Variants in LRBA observed in about 807,000 individuals in gnomAD.
The protein encoded by LRBA is lipopolysaccharide-responsive and beige-like anchor protein.
Under a neutral mutation model 330.0 loss-of-function variants are expected in LRBA, and 176 were observed. The observed-to-expected ratio is 0.53, with a 90% CI of 0.47 to 0.60. The LOEUF is 0.60. Among genes scored for constraint, LRBA ranks in the 20% least tolerant of loss-of-function variants. The pLI is 0.00. For synonymous variants in LRBA, 1,230 were observed against 1,193.0 expected (o/e 1.03, Z -0.64); for missense variants, 3,259 against 3,444.8 (o/e 0.95, Z 1.35).
intron 44 of LRBA, among the ~76,000 whole-genome samples, chr4:150,454,724 C>T (rs528160575): frequency 3.3e-5 from 5 of 152,084 alleles, no homozygotes; most frequent in South Asian, 4.2e-4. Context: ...TCATCCCTCG[C>T]CTTCCCCCTC....
chr4:150,959,934 T>A (rs933894002), intron 2 of LRBA, among the ~76,000 whole-genome samples: 13 of 146,660 alleles, frequency 8.9e-5, no homozygotes, highest in Admixed American at 2.0e-4. Context: ...TTTTTTTTTT[T>A]AAGAAACAGG....
intron 9 of LRBA, among the ~76,000 whole-genome samples, chr4:150,909,582 T>C (rs960398430): frequency 2.0e-5 from 3 of 152,206 alleles, no homozygotes; most frequent in African/African-American, 7.2e-5. Context: ...AGAATATTAC[T>C]ATGAACATGG....
At chr4:150,989,948 A>AC (rs941520223) in intron 2 of LRBA, among the ~76,000 whole-genome samples, 11 of 151,948 alleles carry the variant, frequency 7.2e-5, no homozygotes, top group South Asian at 6.2e-4. Flanking sequence ...ACATAGCAAG[A>AC]CCCCCATCTC....
intron 13 of LRBA, 93 bp downstream of exon 13, chr4:150,905,745 A>G: frequency 8.6e-7 from 1 of 1,164,318 alleles, no homozygotes; most frequent in African/African-American, 1.5e-5. Flanking sequence ...ATAATAGTAC[A>G]TAAAAAAAAG....
intron 30 of LRBA, among the ~76,000 whole-genome samples, chr4:150,822,279 C>G (rs982566569): frequency 6.6e-6 from 1 of 152,136 alleles, no homozygotes; most frequent in African/African-American, 2.4e-5. Flanking sequence ...TGTTCATGAT[C>G]TACTCACTGA....
intron 33 of LRBA, among the ~76,000 whole-genome samples, chr4:150,800,154 G>C (rs1741394317): frequency 2.0e-5 from 3 of 152,180 alleles, no homozygotes; most frequent in Admixed American, 2.0e-4. Context: ...AAGGTTCATA[G>C]CTACTTTCTA....
At chr4:150,768,835 A>T (rs2126515807) in intron 34 of LRBA, among the ~76,000 whole-genome samples, 1 of 152,222 alleles carries the variant, frequency 6.6e-6, no homozygotes, top group Non-Finnish European at 1.5e-5. Context: ...GAGGAAAAGA[A>T]GATTAAAGAA....
intron 46 of LRBA, among the ~76,000 whole-genome samples, chr4:150,431,764 A>C (rs1750416758): frequency 6.6e-6 from 1 of 152,190 alleles, no homozygotes; most frequent in African/African-American, 2.4e-5. Flanking sequence ...GTCTACTTAG[A>C]AAACTGATCA....
intron 36 of LRBA, among the ~76,000 whole-genome samples, chr4:150,733,899 C>T (rs1404619033): frequency 6.6e-6 from 1 of 152,094 alleles, no homozygotes; most frequent in East Asian, 1.9e-4. Flanking sequence ...AGGTACACCT[C>T]AGGACACAGG....
At chr4:150,447,787 T>C (rs936955484) in intron 44 of LRBA, among the ~76,000 whole-genome samples, 3 of 152,218 alleles carry the variant, frequency 2.0e-5, no homozygotes, top group African/African-American at 7.2e-5. Context: ...CAATCACTTA[T>C]AAAATAGAAT....
chr4:150,980,472 T>A (rs1740707284), intron 2 of LRBA, among the ~76,000 whole-genome samples: 2 of 152,182 alleles, frequency 1.3e-5, no homozygotes, highest in Non-Finnish European at 1.5e-5. Flanking sequence ...AAGCCATAGC[T>A]AGAGCAATCA....
At chr4:150,445,324 C>T (rs184421844) in intron 44 of LRBA, among the ~76,000 whole-genome samples, 6 of 141,052 alleles carry the variant, frequency 4.3e-5, no homozygotes, top group Admixed American at 7.3e-5. Context: ...TATAATAAAA[C>T]TGGTTTTAAT....
intron 2 of LRBA, among the ~76,000 whole-genome samples, chr4:150,943,468 G>T (rs1735895285): frequency 6.6e-6 from 1 of 152,096 alleles, no homozygotes; most frequent in South Asian, 2.1e-4. Context: ...ACATATTTAT[G>T]TTCTTGAAGC....
chr4:150,448,137 A>G (rs974938911), intron 44 of LRBA, among the ~76,000 whole-genome samples: 1 of 152,228 alleles, frequency 6.6e-6, no homozygotes, highest in Non-Finnish European at 1.5e-5. Flanking sequence ...TATACAAAAT[A>G]GCCTAGGACA....
chr4:150,378,153 T>G (rs528492570), intron 47 of LRBA, among the ~76,000 whole-genome samples: 1 of 152,218 alleles, frequency 6.6e-6, no homozygotes, highest in African/African-American at 2.4e-5. Context: ...CTAATTAGCA[T>G]GATCCCTTAC....
Position 150,680,607 on chromosome 4 carries a change from C to T in LRBA, c.5921+2944G>A, listed in dbSNP as rs538314126. On this transcript the variant is annotated intron_variant, in intron 37 of 56. Coordinates refer to ENST00000651943, the MANE Select transcript of LRBA (RefSeq NM_001364905.1). ...ATAACATGTTCAAAATGGCTATAATCATCATTGTGTTATCCATAAAGCAGC... is the reference window on the plus strand; with the variant it reads ...ATAACATGTTCAAAATGGCTATAATTATCATTGTGTTATCCATAAAGCAGC... 3.3e-5 allele frequency among the ~76,000 whole-genome samples: 5 copies of T among 152,302 alleles called. No individual in the cohort carries two copies. In the East Asian group the frequency reaches 9.6e-4, roughly 29 times the overall value.
intron 47 of LRBA, among the ~76,000 whole-genome samples, chr4:150,384,775 G>T (rs1036845411): frequency 6.6e-6 from 1 of 150,976 alleles, no homozygotes; most frequent in Non-Finnish European, 1.5e-5. Context: ...TCAGAGGAAA[G>T]AATTAAGATT....
chr4:150,397,533 C>A (rs1744898621), intron 47 of LRBA, among the ~76,000 whole-genome samples: 1 of 152,222 alleles, frequency 6.6e-6, no homozygotes, highest in African/African-American at 2.4e-5. Flanking sequence ...CTCCCTTGGC[C>A]TCCCAAAGCA....
chr4:150,966,940 A>G (rs1738968853), intron 2 of LRBA, among the ~76,000 whole-genome samples: 1 of 152,214 alleles, frequency 6.6e-6, no homozygotes, highest in South Asian at 2.1e-4. Context: ...TGAGGCCCAG[A>G]GACAACCTCA....
Sources: gnomAD v4.1 joint callset for allele counts (sites outside exome capture counted in the v4.1 genomes callset) on GRCh38, gnomAD v4.1.1 for gene constraint, MANE v1.5 for transcripts, NCBI Gene and HGNC (gene_info 2026-07-23, HGNC 2026-07-21) for gene names.